The following DAB1 variants were observed in gnomAD, a reference collection of about 807,000 sequenced individuals.
DAB1 encodes the protein DAB adaptor protein 1.
In DAB1, 15 loss-of-function variants were observed where a neutral mutation model predicts 64.6. That is an observed-to-expected ratio of 0.23 (90% CI 0.16 to 0.36). The LOEUF (loss-of-function observed/expected upper bound fraction) is 0.36, where lower values mean the gene tolerates loss of function less well. Ranked by LOEUF, DAB1 falls within the 10% of genes least tolerant of loss-of-function variation. The probability of loss-of-function intolerance (pLI) is 1.00; values close to 1 mark genes in which losing one functional copy is unlikely to be tolerated. For missense variants in DAB1, 596 were observed against 706.7 expected (o/e 0.84, Z 1.78); for synonymous variants, 235 against 251.9 (o/e 0.93, Z 0.64).
intron 5 of DAB1, among the ~76,000 whole-genome samples, chr1:57,959,974 C>A (rs1297469275): frequency 6.6e-6 from 1 of 152,164 alleles, no homozygotes; most frequent in East Asian, 1.9e-4. Flanking sequence ...ATAAAAATAT[C>A]CACTCACCAA....
intron 1 of DAB1, among the ~76,000 whole-genome samples, chr1:57,336,533 A>G (rs1207110595): frequency 6.6e-6 from 1 of 152,228 alleles, no homozygotes; most frequent in African/African-American, 2.4e-5. Flanking sequence ...CCTGTGTGTC[A>G]GGCATCATTC....
chr1:58,413,731 T>C (rs1222158923), intron 3 of DAB1, among the ~76,000 whole-genome samples: 1 of 152,164 alleles, frequency 6.6e-6, no homozygotes, highest in Non-Finnish European at 1.5e-5. Context: ...GTATTTAATA[T>C]AGAACATATT....
At chr1:57,869,666 A>G (rs78087068) in intron 1 of DAB1, among the ~76,000 whole-genome samples, 265 of 152,208 alleles carry the variant, frequency 1.7e-3, no homozygotes, top group African/African-American at 5.8e-3. Context: ...TAGAAGTCCA[A>G]TGGAGTCTCC....
At chr1:57,369,823 C>T in intron 1 of DAB1, among the ~76,000 whole-genome samples, 1 of 152,140 alleles carries the variant, frequency 6.6e-6, no homozygotes, top group East Asian at 1.9e-4. Flanking sequence ...TATATGAGTA[C>T]AATGAAAGTT....
At chr1:58,371,262 G>A (rs1644261925) in intron 3 of DAB1, among the ~76,000 whole-genome samples, 1 of 152,176 alleles carries the variant, frequency 6.6e-6, no homozygotes, top group African/African-American at 2.4e-5. Flanking sequence ...TTAGAAAAGA[G>A]ACTGGCAGCA....
intron 6 of DAB1, among the ~76,000 whole-genome samples, chr1:57,745,489 T>C (rs1274717156): frequency 1.3e-5 from 2 of 152,186 alleles, no homozygotes; most frequent in Non-Finnish European, 2.9e-5. Flanking sequence ...TACTTTTCTT[T>C]ACAGTGAGCT....
At chr1:57,293,428 A>G (rs1252885813) in intron 1 of DAB1, among the ~76,000 whole-genome samples, 1 of 152,176 alleles carries the variant, frequency 6.6e-6, no homozygotes, top group Non-Finnish European at 1.5e-5. Context: ...CATCTGTACA[A>G]TGGGGATAAT....
chr1:57,682,560 G>T (rs1646648161), intron 6 of DAB1, among the ~76,000 whole-genome samples: 1 of 151,904 alleles, frequency 6.6e-6, no homozygotes, highest in African/African-American at 2.4e-5. Flanking sequence ...TACCTGAATG[G>T]CTCCTGGGAA....
In DAB1 at chr1:57,015,149, G is replaced by T. The variant is rs143039428; in HGVS notation, c.1178C>A (p.Thr393Lys). 2 of 1,614,066 alleles carry T rather than the reference G, an allele frequency of 1.2e-6. No individual in the cohort carries two copies. The highest frequency in any genetic ancestry group is 1.7e-5 in the Admixed American group (1 of 60,004). Residue 393 changes from threonine to lysine, a missense_variant, in exon 12 of 15, where the codon ACG becomes AAG. Coordinates refer to ENST00000371236, the MANE Select transcript of DAB1 (RefSeq NM_001365792.1). ...TGGACTTGACCTGGTGGAGTCACTC[G>T]TGCCTGGGACGGTGGCAAGGGGGGT... ...PLTPLATVPG[T>K]SDSTRSSPQT...
rs139353860 is a variant in DAB1, at chr1:57,589,208, G to A, written n.625+60384C>T. Among the ~76,000 whole-genome samples the A allele has an allele frequency of 4.1e-3, 621 of 152,012 alleles. 5 individuals are homozygous for A. The highest frequency in any genetic ancestry group is 0.014 in the African/African-American group (563 of 41,470). On this transcript the variant is annotated intron_variant and non_coding_transcript_variant, in intron 7 of 20. Transcript: ENST00000485760. Reference sequence around the variant, plus strand: ...GCACTCCAGCCTGGGCAACAACAGCGAAACTCCATCTCAAAAAACAAAAAA... The same window carrying A: ...GCACTCCAGCCTGGGCAACAACAGCAAAACTCCATCTCAAAAAACAAAAAA...
intron 5 of DAB1, among the ~76,000 whole-genome samples, chr1:58,096,727 C>A (rs982061076): frequency 7.2e-5 from 11 of 152,226 alleles, no homozygotes; most frequent in Non-Finnish European, 1.3e-4. Context: ...GTTACCAATG[C>A]CTTGAGGGCA....
intron 9 of DAB1, among the ~76,000 whole-genome samples, chr1:57,036,202 G>A (rs1002636023): frequency 9.2e-5 from 14 of 152,026 alleles, no homozygotes; most frequent in Non-Finnish European, 1.5e-4. Context: ...CCTCTCTTTA[G>A]AAACCACCTC....
intron 2 of DAB1, among the ~76,000 whole-genome samples, chr1:58,526,945 A>G (rs1353222945): frequency 3.3e-5 from 5 of 152,132 alleles, no homozygotes; most frequent in Admixed American, 3.3e-4. Context: ...TCTATGATCA[A>G]AAAATTTATA....
chr1:57,992,590 A>G (rs931734145), intron 5 of DAB1, among the ~76,000 whole-genome samples: 7 of 152,146 alleles, frequency 4.6e-5, no homozygotes, highest in Admixed American at 6.5e-5. Context: ...CACTTCTCTC[A>G]TAAAGAGGAC....
At position 56,996,238 on chromosome 1, in the gene DAB1, T is replaced by C. The variant is rs891515527; in HGVS notation, c.*1906A>G. 2.6e-5 allele frequency: 4 copies of C among 152,238 alleles called. No homozygotes were observed. Among genetic ancestry groups the C allele is most frequent in the African/African-American group, 9.6e-5 (4 of 41,470 alleles). The allele number at this position is 152,238 out of a possible 1,614,324, so 9.4% of individuals were successfully genotyped here. On this transcript the variant is annotated 3_prime_UTR_variant, in exon 15 of 15. Transcript: ENST00000371236. ...GGCCTATTCAAATCAATTGTCTCAATGGAAATTCTACTTTTCAAATCTAAA... is the reference window on the plus strand; with the variant it reads ...GGCCTATTCAAATCAATTGTCTCAACGGAAATTCTACTTTTCAAATCTAAA...
intron 5 of DAB1, chr1:58,048,838 G>T: frequency 9.7e-7 from 1 of 1,028,488 alleles, no homozygotes; most frequent in Non-Finnish European, 1.5e-6. Flanking sequence ...GTTGTCAAAG[G>T]TTACAAAGGC....
chr1:57,072,239 C>T (rs778817134), intron 5 of DAB1, 44 bp downstream of exon 5: 9 of 1,608,326 alleles, frequency 5.6e-6, no homozygotes, highest in East Asian at 2.2e-5. Context: ...ACTGTCCCCC[C>T]AGAGTTCCAA....
chr1:57,642,473 C>T (rs1180888351), intron 7 of DAB1, among the ~76,000 whole-genome samples: 1 of 152,158 alleles, frequency 6.6e-6, no homozygotes, highest in Non-Finnish European at 1.5e-5. Flanking sequence ...CCATATGTCT[C>T]CCCTCTACTC....
intron 2 of DAB1, among the ~76,000 whole-genome samples, chr1:57,245,414 A>G (rs546095916): frequency 6.6e-6 from 1 of 152,172 alleles, no homozygotes; most frequent in African/African-American, 2.4e-5. Context: ...TATTTCTCCT[A>G]ATGCTATCCC....
Sources: allele counts gnomAD v4.1 joint callset (sites outside exome capture counted in the v4.1 genomes callset), GRCh38; gene constraint gnomAD v4.1.1; transcripts MANE v1.5; gene names NCBI Gene and HGNC (gene_info 2026-07-23, HGNC 2026-07-21).